The following MAPKAP1 variants were observed in gnomAD, a reference collection of about 807,000 sequenced individuals.
The protein encoded by MAPKAP1 is MAPK associated protein 1.
Under a neutral mutation model 65.7 loss-of-function variants are expected in MAPKAP1, and 20 were observed. The observed-to-expected ratio is 0.30, with a 90% confidence interval of 0.21 to 0.44. MAPKAP1 has a LOEUF of 0.44. Among genes scored for constraint, MAPKAP1 ranks in the 20% least tolerant of loss-of-function variants. The pLI is 1.00. For missense variants in MAPKAP1, 423 were observed against 648.0 expected, an observed-to-expected ratio of 0.65 and a Z score of 3.77; for synonymous variants, 222 against 244.3, an observed-to-expected ratio of 0.91 and a Z score of 0.85.
chr9:125,702,329 G>C (rs1159391437), intron 1 of MAPKAP1, among the ~76,000 whole-genome samples: 1 of 152,092 alleles, frequency 6.6e-6, no homozygotes, highest in Non-Finnish European at 1.5e-5. Flanking sequence ...GAGGTCGGGA[G>C]TTCGAGACCA....
intron 8 of MAPKAP1, among the ~76,000 whole-genome samples, chr9:125,494,181 C>T (rs1218291014): frequency 1.3e-5 from 2 of 152,118 alleles, no homozygotes; most frequent in Non-Finnish European, 2.9e-5. Context: ...CCTTTTAAGT[C>T]CCCAAAGCCC....
chr9:125,578,832 A>T (rs1336437768), intron 5 of MAPKAP1, among the ~76,000 whole-genome samples: 2 of 152,260 alleles, frequency 1.3e-5, no homozygotes, highest in Non-Finnish European at 2.9e-5. Context: ...AATAGTCAAA[A>T]ACCCTAAGAT....
intron 6 of MAPKAP1, among the ~76,000 whole-genome samples, chr9:125,546,647 T>C (rs1424732513): frequency 6.6e-6 from 1 of 152,172 alleles, no homozygotes; most frequent in Non-Finnish European, 1.5e-5. Context: ...ATACATCTTT[T>C]AAAGCCTTTA....
At chr9:125,652,193 C>T in intron 4 of MAPKAP1, 4 of 1,317,442 alleles carry the variant, frequency 3.0e-6, no homozygotes, top group Non-Finnish European at 3.0e-6. Context: ...TTGAAGAGAG[C>T]TATTTAATGC....
At chr9:125,615,355 A>C (rs2131638396) in intron 4 of MAPKAP1, among the ~76,000 whole-genome samples, 1 of 152,206 alleles carries the variant, frequency 6.6e-6, no homozygotes, top group African/African-American at 2.4e-5. Context: ...TCTAATCAAA[A>C]TCTCAGGAAT....
chr9:125,622,507 G>A lies in MAPKAP1; in HGVS notation c.498+35144C>T, dbSNP rs576669722. 1.5e-4 allele frequency among the ~76,000 whole-genome samples: 23 copies of A among 151,402 alleles called. No individual in the cohort carries two copies. In the East Asian group the frequency reaches 3.3e-3, roughly 22 times the overall value. The stretch of plus-strand genomic sequence containing the variant: ...GTTGCCCAGGCTGGAGTGCAGTGGC[G>A]TGATCTCGGCTCACTGCAACCTCTG... On this transcript the variant is annotated intron_variant, in intron 4 of 11. Coordinates refer to ENST00000265960, the MANE Select transcript of MAPKAP1 (RefSeq NM_001006617.3).
At chr9:125,570,481 T>C (rs1027189418) in intron 5 of MAPKAP1, among the ~76,000 whole-genome samples, 5 of 152,254 alleles carry the variant, frequency 3.3e-5, no homozygotes, top group African/African-American at 1.2e-4. Flanking sequence ...TTATCTGCAC[T>C]TCTGCCTGGT....
chr9:125,440,108 A>G (rs1852425606), intron 11 of MAPKAP1, among the ~76,000 whole-genome samples: 1 of 152,196 alleles, frequency 6.6e-6, no homozygotes, highest in Non-Finnish European at 1.5e-5. Flanking sequence ...GGGGTGCTAC[A>G]GTGGGATGCA....
intron 8 of MAPKAP1, among the ~76,000 whole-genome samples, chr9:125,505,159 C>T (rs576014240): frequency 2.1e-4 from 32 of 152,056 alleles, no homozygotes; most frequent in Admixed American, 5.2e-4. Flanking sequence ...CCGCCGGGCG[C>T]GGTGGCTCAC....
chr9:125,495,990 G>C (rs1342717461), intron 8 of MAPKAP1, among the ~76,000 whole-genome samples: 1 of 152,228 alleles, frequency 6.6e-6, no homozygotes, highest in Non-Finnish European at 1.5e-5. Context: ...CGCTTGTATA[G>C]TGCACTGCAG....
At chr9:125,699,430 T>C (rs545456291) in intron 1 of MAPKAP1, among the ~76,000 whole-genome samples, 1 of 152,132 alleles carries the variant, frequency 6.6e-6, no homozygotes, top group African/African-American at 2.4e-5. Context: ...GGCTAGTCTC[T>C]AACTCCTGAA....
intron 3 of MAPKAP1, among the ~76,000 whole-genome samples, chr9:125,668,927 T>TAATC (rs1215041573): frequency 6.6e-6 from 1 of 152,220 alleles, no homozygotes; most frequent in Non-Finnish European, 1.5e-5. Flanking sequence ...CTCACGCCTA[T>TAATC]AATCCCAGCA....
chr9:125,665,678 C>T (rs1243614930), intron 3 of MAPKAP1, among the ~76,000 whole-genome samples: 1 of 152,016 alleles, frequency 6.6e-6, no homozygotes, highest in Non-Finnish European at 1.5e-5. Context: ...GGGCCCCAAC[C>T]CCCATCTACT....
intron 7 of MAPKAP1, among the ~76,000 whole-genome samples, chr9:125,510,340 G>C (rs1283065851): frequency 6.6e-6 from 1 of 152,134 alleles, no homozygotes; most frequent in Non-Finnish European, 1.5e-5. Flanking sequence ...GATTCATCTA[G>C]AATCTGAATC....
intron 10 of MAPKAP1, among the ~76,000 whole-genome samples, chr9:125,464,782 G>A (rs1320395703): frequency 1.3e-5 from 2 of 152,138 alleles, no homozygotes; most frequent in Non-Finnish European, 2.9e-5. Flanking sequence ...CCCTGCAGCC[G>A]CTCAAATGCT....
chr9:125,706,044 C>T (rs971569499), intron 1 of MAPKAP1, among the ~76,000 whole-genome samples: 1 of 152,142 alleles, frequency 6.6e-6, no homozygotes, highest in African/African-American at 2.4e-5. Flanking sequence ...GAAAGGGCTA[C>T]CAGCATGCCC....
intron 1 of MAPKAP1, chr9:125,696,465 C>T (rs181871396): frequency 1.4e-5 from 2 of 145,346 alleles, no homozygotes; most frequent in Non-Finnish European, 3.0e-5. Flanking sequence ...ACAAATAAAA[C>T]AACAACAACA....
At chr9:125,693,117 A>G (rs1194446437) in intron 1 of MAPKAP1, among the ~76,000 whole-genome samples, 1 of 152,094 alleles carries the variant, frequency 6.6e-6, no homozygotes, top group Non-Finnish European at 1.5e-5. Context: ...TAATATTTTT[A>G]TATTAAGAAA....
At chr9:125,617,248 C>T (rs1341307742) in intron 4 of MAPKAP1, among the ~76,000 whole-genome samples, 1 of 152,192 alleles carries the variant, frequency 6.6e-6, no homozygotes, top group Non-Finnish European at 1.5e-5. Context: ...TCGCTTAAGC[C>T]TTGGAATCTG....
Sources: allele counts gnomAD v4.1 joint callset (sites outside exome capture counted in the v4.1 genomes callset), GRCh38; gene constraint gnomAD v4.1.1; transcripts MANE v1.5; gene names NCBI Gene and HGNC (gene_info 2026-07-23, HGNC 2026-07-21).